Variants in PGD observed in about 807,000 individuals in gnomAD.
PGD encodes the protein phosphogluconate dehydrogenase.
In PGD, 21 loss-of-function variants were observed where a neutral mutation model predicts 60.4. The ratio of observed to expected loss-of-function variants is 0.35; its 90% confidence interval spans 0.25 to 0.50. The LOEUF is 0.50. Ranked by LOEUF, PGD falls within the 20% of genes least tolerant of loss-of-function variation. The pLI is 0.98. For missense variants in PGD, 477 were observed against 613.1 expected (o/e 0.78, Z 2.34); for synonymous variants, 230 against 235.9 (o/e 0.97, Z 0.23).
At chr1:10,406,802 T>C (rs992620365) in intron 5 of PGD, among the ~76,000 whole-genome samples, 3 of 152,204 alleles carry the variant, frequency 2.0e-5, no homozygotes, top group African/African-American at 7.2e-5. Context: ...TGAATGGTAA[T>C]GTAGCTCTCA....
At chr1:10,418,361 C>T (rs573834880) in intron 10 of PGD, among the ~76,000 whole-genome samples, 5 of 152,306 alleles carry the variant, frequency 3.3e-5, no homozygotes, top group African/African-American at 1.2e-4. Flanking sequence ...TGAGCGCTGG[C>T]AGCGAGCTGC....
chr1:10,406,791 CTGAA>C (rs1639412887), intron 5 of PGD, among the ~76,000 whole-genome samples: 1 of 152,206 alleles, frequency 6.6e-6, no homozygotes, highest in South Asian at 2.1e-4. Flanking sequence ...CGGCCTTTCT[CTGAA>C]TGGTAATGTA....
intron 4 of PGD, among the ~76,000 whole-genome samples, chr1:10,403,880 A>G (rs1639356306): frequency 6.6e-6 from 1 of 152,164 alleles, no homozygotes; most frequent in African/African-American, 2.4e-5. Context: ...GTAAAATGCC[A>G]ATGTGTGTTT....
At position 10,411,565 on chromosome 1, in the gene PGD, C is replaced by T. The variant is rs938102501; in HGVS notation, c.654+13C>T. The T allele has an allele frequency of 2.5e-6, 4 of 1,613,614 alleles. No individual in the cohort carries two copies. The highest frequency in any genetic ancestry group is 3.4e-6 in the Non-Finnish European group (4 of 1,179,814). On this transcript the variant is annotated intron_variant, in intron 7 of 12. Transcript: ENST00000270776. ...CGAGATGGCCCAGGTGAGGCCCCGG[C>T]ACTGCCTCTGTGTCCGTTCTGCAGG...
At position 10,416,972 on chromosome 1, in the gene PGD, G is replaced by T; in HGVS notation, c.845-15G>T. The T allele has an allele frequency of 2.5e-6, 4 of 1,611,562 alleles. No individual in the cohort carries two copies. Among genetic ancestry groups the T allele is most frequent in the Non-Finnish European group, 3.4e-6 (4 of 1,178,436 alleles). On this transcript the variant is annotated splice_polypyrimidine_tract_variant and intron_variant, in intron 8 of 12. Transcript: ENST00000270776. ...TGACAGTAATCTGTTTCCTCTTCCC[G>T]ATCTCCCCATGTAGGAGAAGCTGTC...
intron 6 of PGD, among the ~76,000 whole-genome samples, chr1:10,408,459 A>T (rs909117088): frequency 6.6e-6 from 1 of 152,198 alleles, no homozygotes; most frequent in East Asian, 1.9e-4. Context: ...TGGCCAAAGG[A>T]AAGAATGTCA....
rs367779058 is a variant in PGD at position 10,413,013 on chromosome 1, C to G, written c.655-49C>G. On this transcript the variant is annotated intron_variant, in intron 7 of 12. Coordinates refer to ENST00000270776, the MANE Select transcript of PGD (RefSeq NM_002631.4). Reference sequence around the variant, plus strand: ...GGACATTGGACAAGGGGCTTCCTTGCTCAGCCCTCATTCCTCTAACATGGT... The same window carrying G: ...GGACATTGGACAAGGGGCTTCCTTGGTCAGCCCTCATTCCTCTAACATGGT... 3 of 1,518,762 alleles carry G rather than the reference C, an allele frequency of 2.0e-6. No individual in the cohort carries two copies. The African/African-American group carries it at 4.1e-5, about 21-fold the overall frequency. The allele number at this position is 1,518,762 out of a possible 1,614,324, so 94.1% of individuals were successfully genotyped here.
intron 11 of PGD, among the ~76,000 whole-genome samples, 162 bp from the exon 12 acceptor site, chr1:10,419,255 G>C (rs897201289): frequency 6.6e-6 from 1 of 150,666 alleles, no homozygotes; most frequent in African/African-American, 2.4e-5. Context: ...CTGACCTCGT[G>C]ATCCGCCCAC....
chr1:10,418,371 C>A (rs1423617664), intron 10 of PGD, among the ~76,000 whole-genome samples: 3 of 152,178 alleles, frequency 2.0e-5, no homozygotes, highest in Non-Finnish European at 2.9e-5. Context: ...CAGCGAGCTG[C>A]ACTTTTTTTC....
intron 10 of PGD, among the ~76,000 whole-genome samples, chr1:10,418,431 T>C (rs1480641717): frequency 2.0e-5 from 3 of 152,176 alleles, no homozygotes. Flanking sequence ...TGTAACTTTG[T>C]TTCACTAGGG....
At chr1:10,399,527 G>A in intron 1 of PGD, 102 bp from the exon 2 acceptor site, 1 of 1,060,460 alleles carries the variant, frequency 9.4e-7, no homozygotes, top group Admixed American at 1.8e-5. Context: ...GGAGGAAAGT[G>A]CAGACTCCCA....
chr1:10,412,799 A>G, intron 7 of PGD: 1 of 399,690 alleles, frequency 2.5e-6, no homozygotes, highest in East Asian at 3.9e-5. Flanking sequence ...CACTGCACAG[A>G]GACCTAAGTG....
rs1213355015 is a variant in PGD at position 10,406,388 on chromosome 1, GAAA to G, written c.450-1673_450-1671del. ...AACATAGCAAGACCCTGTTTCTTAA[GAAA>G]AAAAAAAAAGGTTTGAAAATACTTA... On this transcript the variant is annotated intron_variant, in intron 5 of 12. Coordinates refer to ENST00000270776, the MANE Select transcript of PGD (RefSeq NM_002631.4). Among the ~76,000 whole-genome samples the G allele has an allele frequency of 3.7e-5, 5 of 134,176 alleles. 1 individual carries two copies. Among genetic ancestry groups the G allele is most frequent in the African/African-American group, 8.2e-5 (3 of 36,754 alleles). The allele number at this position is 134,176 out of a possible 152,430, so 88.0% of individuals were successfully genotyped here. A position where few individuals can be genotyped will look rare whatever the true frequency, so the allele number is the denominator to read the frequency against.
At chr1:10,405,642 C>A (rs1482488163) in intron 5 of PGD, among the ~76,000 whole-genome samples, 1 of 151,090 alleles carries the variant, frequency 6.6e-6, no homozygotes, top group African/African-American at 2.4e-5. Context: ...GAGTTCAAGA[C>A]CAGCCTGGCC....
At chr1:10,406,417 T>C (rs1357975718) in intron 5 of PGD, among the ~76,000 whole-genome samples, 5 of 152,038 alleles carry the variant, frequency 3.3e-5, no homozygotes, top group African/African-American at 9.7e-5. Flanking sequence ...AAAATACTTA[T>C]CTCGAAGCAC....
intron 8 of PGD, among the ~76,000 whole-genome samples, 193 bp from the exon 9 acceptor site, chr1:10,416,794 G>A (rs1639602196): frequency 6.6e-6 from 1 of 152,136 alleles, no homozygotes; most frequent in South Asian, 2.1e-4. Context: ...AGTTAAGGTG[G>A]GGCAGGAACA....
chr1:10,416,879 T>C (rs1569992515), intron 8 of PGD, 108 bp from the exon 9 acceptor site: 7 of 995,268 alleles, frequency 7.0e-6, no homozygotes, highest in Middle Eastern at 6.6e-4. Context: ...CTTCACTTGC[T>C]TCAGGCCATC....
At chr1:10,415,314 G>C (rs1382687744) in intron 8 of PGD, 1 of 152,248 alleles carries the variant, frequency 6.6e-6, no homozygotes, top group Non-Finnish European at 1.5e-5. Context: ...GCTTTTAGCC[G>C]ATCTGAGCCA....
In PGD at chr1:10,413,205, G is replaced by T. The variant is rs1187374443; in HGVS notation, c.798G>T (p.Trp266Cys). Residue 266 changes from tryptophan to cysteine, a missense_variant, in exon 8 of 13, where the codon TGG becomes TGT. Physicochemically the swap from Trp to Cys is radical, Grantham distance 215. Coordinates refer to ENST00000270776, the MANE Select transcript of PGD (RefSeq NM_002631.4). ...DSAGQKGTGK[W>C]TAISALEYGV... ...CGGGGCAGAAGGGCACAGGGAAGTG[G>T]ACCGCCATCTCCGCCCTGGAATACG... 1.9e-6 allele frequency: 3 copies of T among 1,614,196 alleles called. No individual in the cohort carries two copies. The highest frequency in any genetic ancestry group is 1.1e-5 in the South Asian group (1 of 91,084).
Sources: gnomAD v4.1 joint callset for allele counts (sites outside exome capture counted in the v4.1 genomes callset) on GRCh38, gnomAD v4.1.1 for gene constraint, MANE v1.5 for transcripts, NCBI Gene and HGNC (gene_info 2026-07-23, HGNC 2026-07-21) for gene names.